LRRC9: variants seen among roughly 807,000 people sequenced by gnomAD.
LRRC9 encodes the protein leucine rich repeat containing 9.
In LRRC9, 122 loss-of-function variants were observed where a neutral mutation model predicts 63.2. The ratio of observed to expected loss-of-function variants is 1.93; its 90% confidence interval spans 1.67 to 2.24. LRRC9 has a LOEUF of 2.24. LRRC9 is among the 30% of genes most tolerant of loss of function. The pLI, the probability that LRRC9 is intolerant of heterozygous loss-of-function variation, is 0.00. For synonymous variants in LRRC9, 366 were observed against 213.1 expected, an observed-to-expected ratio of 1.72 and a Z score of -6.25; for missense variants, 1,071 against 627.7, an observed-to-expected ratio of 1.71 and a Z score of -7.55.
rs1448957622 is a variant in LRRC9, at chr14:59,994,464, G to A, written c.2212-3192G>A. Among the ~76,000 whole-genome samples, 5 of 152,110 alleles carry A rather than the reference G, an allele frequency of 3.3e-5. No homozygotes were observed. In the East Asian group the frequency reaches 9.6e-4, roughly 29 times the overall value. ...GGAAGTCAGTGTGGTGATTCCTCAG[G>A]GATCTAGAACTAGAAATACCATTTG... On this transcript the variant is annotated intron_variant, in intron 17 of 31. Transcript: ENST00000445360.
chr14:60,022,677 A>G (rs980642130), intron 26 of LRRC9, 57 bp from the exon 27 acceptor site: 2 of 492,844 alleles, frequency 4.1e-6, no homozygotes, highest in South Asian at 7.7e-5. Flanking sequence ...CTGTCTTTTT[A>G]TAATATAGCT....
At chr14:60,007,116 T>G (rs1488430671) in intron 22 of LRRC9, among the ~76,000 whole-genome samples, 1 of 152,226 alleles carries the variant, frequency 6.6e-6, no homozygotes, top group Non-Finnish European at 1.5e-5. Flanking sequence ...TAAAGCTCAG[T>G]GGCCATTTTC....
At position 59,923,675 on chromosome 14, in the gene LRRC9, T is replaced by C. The variant is rs995879025; in HGVS notation, c.-34+3792T>C. Among the ~76,000 whole-genome samples, 52 of 152,182 alleles carry C rather than the reference T, an allele frequency of 3.4e-4. No individual in the cohort carries two copies. Among genetic ancestry groups the C allele is most frequent in the African/African-American group, 1.2e-3 (48 of 41,450 alleles). On this transcript the variant is annotated intron_variant, in intron 1 of 31. Coordinates refer to ENST00000445360, the Ensembl canonical transcript of LRRC9. The surrounding 1 kb of genome is among the most constrained non-coding windows in gnomAD (Gnocchi z 4.2). ...AGTCAGGCGAGGTGGCTCACGCCTG[T>C]AGGCTCACGCCTCCCAGCACTCTGG... is the stretch of plus-strand genomic sequence containing the variant.
rs749470965 is a variant in LRRC9 at position 59,966,750 on chromosome 14, A to G, written c.1373A>G (p.Asp458Gly). The G allele has an allele frequency of 1.5e-6, 1 of 664,848 alleles. No individual in the cohort carries two copies. The highest frequency in any genetic ancestry group is 2.7e-6 in the Non-Finnish European group (1 of 365,048). 41.2% of individuals were successfully genotyped at this position (664,848 alleles called of 1,614,324 possible). ...TTTCAAAAGTTTTTGGAGAATGAAG[A>G]TATGCATGATTCAGAGTAAGAAGCT... is the stretch of plus-strand genomic sequence containing the variant. Residue 458 changes from aspartate to glycine, a missense_variant, in exon 11 of 32, where the codon GAT (aspartate) becomes GGT (glycine). Physicochemically the swap from Asp to Gly is moderately conservative, Grantham distance 94. Transcript: ENST00000445360. The surrounding 1 kb of genome is among the most constrained non-coding windows in gnomAD (Gnocchi z 4.0).
At chr14:60,002,868 T>C (rs1889500824) in intron 20 of LRRC9, among the ~76,000 whole-genome samples, 1 of 152,070 alleles carries the variant, frequency 6.6e-6, no homozygotes, top group Non-Finnish European at 1.5e-5. Context: ...AAGCAAACTT[T>C]AAAGGCTCAG....
At chr14:59,951,949 T>C (rs1883178600) in intron 8 of LRRC9, among the ~76,000 whole-genome samples, 1 of 151,972 alleles carries the variant, frequency 6.6e-6, no homozygotes. Flanking sequence ...ACTGCTGTCT[T>C]TTTGTTTGTC....
intron 6 of LRRC9, among the ~76,000 whole-genome samples, chr14:59,937,928 A>C (rs1881218149): frequency 6.6e-6 from 1 of 152,162 alleles, no homozygotes; most frequent in Non-Finnish European, 1.5e-5. Flanking sequence ...TGGTGACTGT[A>C]ATGAACAGGG....
chr14:60,056,211 T>A (rs1408231244), intron 30 of LRRC9, among the ~76,000 whole-genome samples: 5 of 152,190 alleles, frequency 3.3e-5, no homozygotes, highest in African/African-American at 1.2e-4. Flanking sequence ...GATGTAGATA[T>A]CTTTAGGGGA....
chr14:60,010,834 C>T (rs762471743), intron 23 of LRRC9, among the ~76,000 whole-genome samples: 42 of 152,178 alleles, frequency 2.8e-4, no homozygotes, highest in Non-Finnish European at 5.9e-4. Context: ...CAGTTCCCAA[C>T]AAGTTCCTTG....
Position 59,968,658 on chromosome 14 carries a change from G to A in LRRC9, c.1506+1445G>A, listed in dbSNP as rs1885123367. Among the ~76,000 whole-genome samples, 3 of 152,244 alleles carry A rather than the reference G, an allele frequency of 2.0e-5. No individual in the cohort carries two copies. The South Asian group carries it at 6.2e-4, about 32-fold the overall frequency. On this transcript the variant is annotated intron_variant, in intron 12 of 31. Transcript: ENST00000445360. ...AGTAAGAAGGAGGTGAGGAATTCAG[G>A]GTTTTACAAGGCAGAGTGAATTGCT...
intron 8 of LRRC9, among the ~76,000 whole-genome samples, chr14:59,953,273 C>A (rs1883371332): frequency 1.3e-5 from 2 of 152,192 alleles, no homozygotes; most frequent in Non-Finnish European, 2.9e-5. Flanking sequence ...ACACTCCCAC[C>A]AACAGTGTAA....
intron 6 of LRRC9, among the ~76,000 whole-genome samples, chr14:59,935,418 T>C (rs74850692): frequency 0.01 from 1,527 of 152,294 alleles, 22 homozygotes; most frequent in African/African-American, 0.035. Context: ...TATACGACAT[T>C]GGTAATCATT....
In LRRC9 at chr14:59,924,723, T is replaced by TAATAA. The variant is rs1418872260; in HGVS notation, c.-33-3183_-33-3179dup. On this transcript the variant is annotated intron_variant, in intron 1 of 31. Transcript: ENST00000445360. ...CCTCATATAGCTTTTCATCTTACCA[T>TAATAA]AATAAAATACAAAATCCTCACAGAG... Among the ~76,000 whole-genome samples, 5 of 152,294 alleles carry TAATAA rather than the reference T, an allele frequency of 3.3e-5. No individual in the cohort carries two copies. In the East Asian group the frequency reaches 9.6e-4, roughly 29 times the overall value.
intron 29 of LRRC9, among the ~76,000 whole-genome samples, chr14:60,036,533 G>A (rs1248804274): frequency 6.6e-6 from 1 of 152,122 alleles, no homozygotes; most frequent in Non-Finnish European, 1.5e-5. Flanking sequence ...TTTGTAGAAT[G>A]TCCTTCAAGT....
chr14:59,981,968 G>C (rs1422560409), exon 16 of LRRC9: 4 of 702,470 alleles, frequency 5.7e-6, no homozygotes, highest in African/African-American at 1.7e-5. Flanking sequence ...TATAAAAATG[G>C]AGCCCAGAAT....
chr14:59,927,324 G>C lies in LRRC9; in HGVS notation c.-33-587G>C, dbSNP rs976649305. On this transcript the variant is annotated intron_variant, in intron 1 of 31. Coordinates refer to ENST00000445360, the Ensembl canonical transcript of LRRC9. The surrounding 1 kb of genome is among the most constrained non-coding windows in gnomAD (Gnocchi z 4.4). ...ATATACAGAAAATATTACAAATTAT[G>C]AAAGTTGGATTAAGTTTCATCCAAC... Among the ~76,000 whole-genome samples the C allele has an allele frequency of 2.0e-5, 3 of 151,998 alleles. No individual in the cohort carries two copies. The highest frequency in any genetic ancestry group is 4.4e-5 in the Non-Finnish European group (3 of 67,924).
chr14:59,997,032 TTA>T (rs990401155), intron 17 of LRRC9, among the ~76,000 whole-genome samples: 64 of 152,218 alleles, frequency 4.2e-4, no homozygotes, highest in African/African-American at 1.4e-3. Context: ...GGATACAAAA[TTA>T]TATATGTTTT....
chr14:59,976,175 G>T (rs1329209844), intron 13 of LRRC9, among the ~76,000 whole-genome samples: 9 of 152,158 alleles, frequency 5.9e-5, no homozygotes, highest in Non-Finnish European at 1.0e-4. Flanking sequence ...CACGCTCAGG[G>T]CTCCCACTGA....
chr14:59,965,406 A>C (rs1475321096), intron 10 of LRRC9, among the ~76,000 whole-genome samples: 1 of 152,084 alleles, frequency 6.6e-6, no homozygotes, highest in South Asian at 2.1e-4. Flanking sequence ...TTCTGGCTTT[A>C]CTTGTTTAGG....
Sources: allele counts gnomAD v4.1 joint callset (sites outside exome capture counted in the v4.1 genomes callset), GRCh38; gene constraint gnomAD v4.1.1; non-coding constraint Gnocchi (gnomAD v3.1); transcripts MANE v1.5; gene names NCBI Gene and HGNC (gene_info 2026-07-23, HGNC 2026-07-21).